The following PLCB4 variants were observed in gnomAD, a reference collection of about 807,000 sequenced individuals.
The protein encoded by PLCB4 is 1-phosphatidylinositol 4,5-bisphosphate phosphodiesterase beta-4.
In PLCB4, 77 loss-of-function variants were observed where a neutral mutation model predicts 178.8. The observed-to-expected ratio is 0.43, with a 90% CI of 0.36 to 0.52. PLCB4 has a LOEUF of 0.52. Among genes scored for constraint, PLCB4 ranks in the 20% least tolerant of loss-of-function variants. PLCB4 has a pLI of 0.00. For missense variants in PLCB4, 1,024 were observed against 1,453.4 expected (o/e 0.70, Z 4.80); for synonymous variants, 496 against 490.8 (o/e 1.01, Z -0.14).
intron 7 of PLCB4, among the ~76,000 whole-genome samples, chr20:9,340,201 G>A (rs1002734033): frequency 6.6e-6 from 1 of 152,108 alleles, no homozygotes; most frequent in African/African-American, 2.4e-5. Context: ...ATCATTTGAG[G>A]ACACTGAGAT....
At chr20:9,174,699 C>T (rs1335453618) in intron 2 of PLCB4, among the ~76,000 whole-genome samples, 1 of 152,046 alleles carries the variant, frequency 6.6e-6, no homozygotes, top group Non-Finnish European at 1.5e-5. Flanking sequence ...ATCACTAGTC[C>T]TTCCTTCACA....
At chr20:9,084,443 A>AT (rs1340551821) in intron 1 of PLCB4, among the ~76,000 whole-genome samples, 2 of 152,332 alleles carry the variant, frequency 1.3e-5, no homozygotes, top group East Asian at 3.9e-4. Context: ...TTTTCTTAAC[A>AT]TATTAACAGT....
chr20:9,430,903 C>T (rs2041348249), intron 28 of PLCB4, among the ~76,000 whole-genome samples: 1 of 152,228 alleles, frequency 6.6e-6, no homozygotes, highest in South Asian at 2.1e-4. Flanking sequence ...CACTTAAGCA[C>T]ATGACTTTTT....
intron 12 of PLCB4, among the ~76,000 whole-genome samples, chr20:9,376,387 A>C (rs958486208): frequency 1.3e-5 from 2 of 152,194 alleles, no homozygotes; most frequent in Non-Finnish European, 2.9e-5. Flanking sequence ...AGAATATGAG[A>C]GCGACATATA....
At chr20:9,242,393 C>T (rs1406012200) in intron 3 of PLCB4, among the ~76,000 whole-genome samples, 1 of 152,200 alleles carries the variant, frequency 6.6e-6, no homozygotes, top group African/African-American at 2.4e-5. Context: ...TTCCTAATAA[C>T]AAGGGGCAAG....
intron 32 of PLCB4, among the ~76,000 whole-genome samples, chr20:9,451,385 T>C (rs1377157989): frequency 6.6e-6 from 1 of 152,200 alleles, no homozygotes; most frequent in Non-Finnish European, 1.5e-5. Context: ...TTCAATGATA[T>C]TTGCAAGATA....
chr20:9,214,599 T>C (rs1213997804), intron 2 of PLCB4, among the ~76,000 whole-genome samples: 1 of 144,494 alleles, frequency 6.9e-6, no homozygotes, highest in Non-Finnish European at 1.5e-5. Context: ...ACACAGCCTC[T>C]GTCTCTCACA....
rs375379791 is a variant in PLCB4 at position 9,457,468 on chromosome 20, G to A, written c.3051G>A (p.Leu1017=). Reference sequence around the variant, plus strand: ...AAACAGAAATCAAAATTCAGACGCTGACATCAGATCACAAATCTAAGGTAA... The same window carrying A: ...AAACAGAAATCAAAATTCAGACGCTAACATCAGATCACAAATCTAAGGTAA... The part of the protein sequence containing the change: ...KKETEIKIQT[L]TSDHKSKVKE... The change falls in exon 34 of 40, where the codon CTG becomes CTA. Residue 1017 remains leucine (L), a synonymous_variant. Coordinates refer to ENST00000378473, the MANE Select transcript of PLCB4 (RefSeq NM_001377142.1). 23 of 1,531,692 alleles carry A rather than the reference G, an allele frequency of 1.5e-5. No homozygotes were observed. In the South Asian group the frequency reaches 1.7e-4, roughly 11 times the overall value. The allele number at this position is 1,531,692 out of a possible 1,614,324, so 94.9% of individuals were successfully genotyped here.
rs376416943 is a variant in PLCB4, at chr20:9,182,873, A to G, written c.-78-34517A>G. ...TTGGGGATCATGTGAAAGAAAAGTA[A>G]TAAATACCTATTCTGTTTGGTCACA... On this transcript the variant is annotated intron_variant, in intron 2 of 39. Transcript: ENST00000378473. 2.6e-5 allele frequency among the ~76,000 whole-genome samples: 4 copies of G among 152,184 alleles called. No individual in the cohort carries two copies. The East Asian group carries it at 7.7e-4, about 29-fold the overall frequency.
intron 28 of PLCB4, among the ~76,000 whole-genome samples, chr20:9,432,384 C>T (rs2041480651): frequency 2.0e-5 from 3 of 152,338 alleles, no homozygotes; most frequent in South Asian, 2.1e-4. Context: ...ATACTCTCTT[C>T]AGGCCCCCAG....
rs79003814 is a variant in PLCB4 at position 9,406,027 on chromosome 20, C to G, written c.1647+679C>G. On this transcript the variant is annotated intron_variant, in intron 21 of 39. Coordinates refer to ENST00000378473, the MANE Select transcript of PLCB4 (RefSeq NM_001377142.1). Reference sequence around the variant, plus strand: ...TGAAAGAATTATGAATAAATATGGTCGCAGGCCTGTCCCAAAATATTTGTG... The same window carrying G: ...TGAAAGAATTATGAATAAATATGGTGGCAGGCCTGTCCCAAAATATTTGTG... 1.8e-4 allele frequency among the ~76,000 whole-genome samples: 28 copies of G among 152,266 alleles called. No homozygotes were observed. In the East Asian group the frequency reaches 5.4e-3, roughly 29 times the overall value.
chr20:9,478,088 A>G (rs2044671794), intron 39 of PLCB4, among the ~76,000 whole-genome samples: 1 of 152,196 alleles, frequency 6.6e-6, no homozygotes, highest in African/African-American at 2.4e-5. Flanking sequence ...TGGTTGGGCA[A>G]AATCATCCAG....
At chr20:9,456,509 T>A (rs771780663) in intron 33 of PLCB4, among the ~76,000 whole-genome samples, 8 of 152,212 alleles carry the variant, frequency 5.3e-5, no homozygotes, top group Non-Finnish European at 7.3e-5. Context: ...AAAATCTTGA[T>A]TTTCAAATAA....
intron 2 of PLCB4, among the ~76,000 whole-genome samples, chr20:9,120,454 C>A (rs2091921509): frequency 1.1e-5 from 1 of 89,992 alleles, no homozygotes. Context: ...AAACCTCTCT[C>A]TTCTTCCTTT....
In PLCB4 at chr20:9,179,914, A is replaced by G. The variant is rs376748596; in HGVS notation, c.-78-37476A>G. Among the ~76,000 whole-genome samples, 5 of 152,282 alleles carry G rather than the reference A, an allele frequency of 3.3e-5. No homozygotes were observed. The South Asian group carries it at 6.2e-4, about 19-fold the overall frequency. ...AATGAAAGAAACAAAACACACCACT[A>G]TCCCCATAAAATTCCTTCTCTGGTG... On this transcript the variant is annotated intron_variant, in intron 2 of 39. Transcript: ENST00000378473.
intron 3 of PLCB4, among the ~76,000 whole-genome samples, chr20:9,232,595 T>A (rs1468135996): frequency 1.3e-5 from 2 of 152,168 alleles, no homozygotes; most frequent in Non-Finnish European, 2.9e-5. Flanking sequence ...GTATGGAAAC[T>A]TCACTTATTT....
intron 2 of PLCB4, among the ~76,000 whole-genome samples, chr20:9,203,071 A>T (rs1481221511): frequency 6.8e-6 from 1 of 146,582 alleles, no homozygotes; most frequent in Non-Finnish European, 1.5e-5. Flanking sequence ...ATATATATAT[A>T]TATATATATG....
chr20:9,382,233 T>G (rs6086865), intron 13 of PLCB4, among the ~76,000 whole-genome samples: 7,612 of 152,224 alleles, frequency 0.05, 266 homozygotes, highest in Non-Finnish European at 0.076. Context: ...AAATCCTAAA[T>G]AAATCACTTC....
intron 2 of PLCB4, among the ~76,000 whole-genome samples, chr20:9,147,883 C>T (rs892367712): frequency 2.0e-5 from 3 of 152,076 alleles, no homozygotes; most frequent in Non-Finnish European, 4.4e-5. Flanking sequence ...TTTTTGCAGT[C>T]AGACTATCCT....
Sources: allele counts gnomAD v4.1 joint callset (sites outside exome capture counted in the v4.1 genomes callset), GRCh38; gene constraint gnomAD v4.1.1; transcripts MANE v1.5; gene names NCBI Gene and HGNC (gene_info 2026-07-23, HGNC 2026-07-21).